Variants in NEO1 observed in about 807,000 individuals in gnomAD.
NEO1 encodes the protein neogenin 1, also known as neogenin.
NEO1 carries 63 observed loss-of-function variants against 159.7 expected under a neutral mutation model. That is an observed-to-expected ratio of 0.39 (90% CI 0.32 to 0.49). NEO1 has a LOEUF of 0.49. NEO1 is among the 20% of genes least tolerant of loss of function. NEO1 has a pLI of 0.85. For missense variants in NEO1, 1,615 were observed against 1,831.0 expected, an observed-to-expected ratio of 0.88 and a Z score of 2.15; for synonymous variants, 633 against 662.0, an observed-to-expected ratio of 0.96 and a Z score of 0.67.
At chr15:73,251,912 T>G (rs2040093450) in intron 11 of NEO1, among the ~76,000 whole-genome samples, 1 of 152,214 alleles carries the variant, frequency 6.6e-6, no homozygotes, top group Non-Finnish European at 1.5e-5. Context: ...AATAAGTGTC[T>G]GCCATGTAAT....
intron 8 of NEO1, among the ~76,000 whole-genome samples, 184 bp downstream of exon 8, chr15:73,236,690 TC>T (rs1423926817): frequency 6.6e-6 from 1 of 152,218 alleles, no homozygotes; most frequent in Non-Finnish European, 1.5e-5. Context: ...TGGTAGTCTC[TC>T]CTTTTCTGGG....
rs1215055296 is a variant in NEO1, at chr15:73,052,501, GTC to G, written c.-172_-171del. 4.6e-6 allele frequency: 1 copy of G among 219,272 alleles called. No homozygotes were observed. Among genetic ancestry groups the G allele is most frequent in the East Asian group, 9.0e-5 (1 of 11,076 alleles). 13.6% of individuals were successfully genotyped at this position (219,272 alleles called of 1,614,324 possible). On this transcript the variant is annotated 5_prime_UTR_variant, in exon 1 of 29. Transcript: ENST00000261908. ...CCTTGCAGGAGGGAGGCGCCCTGGA[GTC>G]TCCCCTCCAGCGAGAGGGGCTGCGC...
At chr15:73,124,434 G>A (rs1418320615) in intron 3 of NEO1, among the ~76,000 whole-genome samples, 1 of 152,122 alleles carries the variant, frequency 6.6e-6, no homozygotes, top group Non-Finnish European at 1.5e-5. Context: ...GTCATTCAGA[G>A]TTAAAGTTCT....
At chr15:73,284,486 A>C (rs1303911348) in intron 23 of NEO1, among the ~76,000 whole-genome samples, 2 of 152,050 alleles carry the variant, frequency 1.3e-5, no homozygotes, top group Non-Finnish European at 2.9e-5. Context: ...GCCCAAATGA[A>C]ATAGCTTTCC....
At chr15:73,223,918 C>T (rs945980743) in intron 7 of NEO1, among the ~76,000 whole-genome samples, 5 of 152,166 alleles carry the variant, frequency 3.3e-5, no homozygotes, top group South Asian at 4.2e-4. Flanking sequence ...GCTTTAAAGA[C>T]GTTCTGCTTT....
intron 5 of NEO1, among the ~76,000 whole-genome samples, chr15:73,152,717 A>G (rs2033472654): frequency 6.6e-6 from 1 of 152,038 alleles, no homozygotes; most frequent in South Asian, 2.1e-4. Context: ...ATCATGTGCA[A>G]TCTAATGCTG....
intron 7 of NEO1, among the ~76,000 whole-genome samples, chr15:73,230,152 C>G (rs1308767858): frequency 6.6e-6 from 1 of 152,152 alleles, no homozygotes; most frequent in Admixed American, 6.5e-5. Context: ...TTGATAACAT[C>G]CAGCAGTAAA....
chr15:73,116,512 A>C (rs947048151), intron 1 of NEO1, 28 bp from the exon 2 acceptor site: 1 of 1,493,612 alleles, frequency 6.7e-7, no homozygotes, highest in Non-Finnish European at 8.9e-7. Flanking sequence ...GATTTGCTTA[A>C]CTTTGTTCTT....
At chr15:73,217,940 C>G (rs2037995956) in intron 7 of NEO1, among the ~76,000 whole-genome samples, 2 of 152,030 alleles carry the variant, frequency 1.3e-5, no homozygotes. Context: ...CCTAATTGCC[C>G]TGGCCAGAAC....
intron 5 of NEO1, among the ~76,000 whole-genome samples, chr15:73,145,327 C>T (rs1220992358): frequency 6.6e-6 from 1 of 152,162 alleles, no homozygotes; most frequent in African/African-American, 2.4e-5. Flanking sequence ...TTCTCATACA[C>T]TGCTGGTAGT....
chr15:73,277,199 C>T (rs2041461915), intron 21 of NEO1, among the ~76,000 whole-genome samples: 1 of 152,336 alleles, frequency 6.6e-6, no homozygotes, highest in Non-Finnish European at 1.5e-5. Flanking sequence ...TAGTTAACTT[C>T]ATAAAACAGC....
At chr15:73,275,561 G>A (rs1179730614) in intron 21 of NEO1, among the ~76,000 whole-genome samples, 1 of 152,040 alleles carries the variant, frequency 6.6e-6, no homozygotes, top group African/African-American at 2.4e-5. Flanking sequence ...AGGCTGAGGT[G>A]GGAGGATGGT....
At chr15:73,225,529 C>A (rs896032879) in intron 7 of NEO1, among the ~76,000 whole-genome samples, 13 of 152,054 alleles carry the variant, frequency 8.5e-5, no homozygotes, top group African/African-American at 3.1e-4. Flanking sequence ...TACCTAGGAG[C>A]ATTATGGCTG....
rs536838877 is a variant in NEO1, at chr15:73,054,132, G to A, written c.130+1327G>A. On this transcript the variant is annotated intron_variant, in intron 1 of 28. Transcript: ENST00000261908. ...TATATGGTTTAGAACACATTTTGGT[G>A]CTGAAATGCAGGTTACTGATCCAAC... Among the ~76,000 whole-genome samples the A allele has an allele frequency of 3.3e-5, 5 of 152,332 alleles. No individual in the cohort carries two copies. In the South Asian group the frequency reaches 1.0e-3, roughly 32 times the overall value.
At chr15:73,092,290 GC>G (rs1357254534) in intron 1 of NEO1, among the ~76,000 whole-genome samples, 1 of 152,142 alleles carries the variant, frequency 6.6e-6, no homozygotes, top group Non-Finnish European at 1.5e-5. Flanking sequence ...ACAAGTGTCA[GC>G]TGCTGTAGTT....
chr15:73,077,564 G>A (rs1191341003), intron 1 of NEO1, among the ~76,000 whole-genome samples: 1 of 152,176 alleles, frequency 6.6e-6, no homozygotes, highest in Non-Finnish European at 1.5e-5. Flanking sequence ...AATAGTTTGT[G>A]TTCTCTGAAG....
At chr15:73,164,501 C>T (rs2034432885) in intron 5 of NEO1, among the ~76,000 whole-genome samples, 1 of 152,166 alleles carries the variant, frequency 6.6e-6, no homozygotes, top group African/African-American at 2.4e-5. Context: ...AGGCATAAGC[C>T]ACCACGCCCA....
chr15:73,220,942 T>C (rs191085256), intron 7 of NEO1, among the ~76,000 whole-genome samples: 3 of 152,244 alleles, frequency 2.0e-5, no homozygotes, highest in Admixed American at 2.0e-4. Flanking sequence ...AGTCATTCTC[T>C]ATCCAGCTTT....
chr15:73,129,271 T>A (rs912225190), intron 4 of NEO1, among the ~76,000 whole-genome samples: 3 of 152,228 alleles, frequency 2.0e-5, no homozygotes, highest in African/African-American at 7.2e-5. Context: ...TCTTTGTTTC[T>A]GCTAGAGCCT....
Sources: allele counts gnomAD v4.1 joint callset (sites outside exome capture counted in the v4.1 genomes callset), GRCh38; gene constraint gnomAD v4.1.1; transcripts MANE v1.5; gene names NCBI Gene and HGNC (gene_info 2026-07-23, HGNC 2026-07-21).